Variants in STRN observed in about 807,000 individuals in gnomAD.
The protein encoded by STRN is striatin, also known as protein phosphatase 2 regulatory subunit B'''alpha.
In STRN, 53 loss-of-function variants were observed where a neutral mutation model predicts 96.3. That is an observed-to-expected ratio of 0.55 (90% CI 0.44 to 0.69). STRN has a LOEUF of 0.69. STRN is among the 30% of genes least tolerant of loss of function. The pLI is 0.00. For synonymous variants in STRN, 428 were observed against 355.9 expected (o/e 1.20, Z -2.28); for missense variants, 987 against 963.9 (o/e 1.02, Z -0.32).
At chr2:36,855,565 C>G (rs1056681774) in intron 14 of STRN, among the ~76,000 whole-genome samples, 2 of 152,156 alleles carry the variant, frequency 1.3e-5, no homozygotes, top group African/African-American at 4.8e-5. Context: ...CTTAGCAGAT[C>G]TTCTACCTGT....
chr2:36,905,031 G>A (rs187502073), intron 4 of STRN, among the ~76,000 whole-genome samples: 2,467 of 149,716 alleles, frequency 0.016, 72 homozygotes, highest in African/African-American at 0.058. Flanking sequence ...GTGCAATGGC[G>A]CGATCTCGGC....
intron 5 of STRN, among the ~76,000 whole-genome samples, chr2:36,900,910 A>AAATG (rs1317183411): frequency 6.6e-6 from 1 of 151,898 alleles, no homozygotes; most frequent in East Asian, 1.9e-4. Flanking sequence ...ATAAATAAAT[A>AAATG]AATAAATAAA....
intron 11 of STRN, among the ~76,000 whole-genome samples, chr2:36,868,915 T>C (rs1668696195): frequency 6.7e-6 from 1 of 149,520 alleles, no homozygotes; most frequent in Non-Finnish European, 1.5e-5. Context: ...GGAGTGGAGC[T>C]CCGATAAGGA....
chr2:36,852,238 CTTT>C (rs1668239055), intron 15 of STRN, among the ~76,000 whole-genome samples: 1 of 152,092 alleles, frequency 6.6e-6, no homozygotes, highest in South Asian at 2.1e-4. Context: ...TTCTGTTAAG[CTTT>C]TTTTAAGAGA....
intron 9 of STRN, among the ~76,000 whole-genome samples, chr2:36,881,191 G>T (rs1669060775): frequency 7.7e-6 from 1 of 130,558 alleles, no homozygotes; most frequent in Non-Finnish European, 1.6e-5. Context: ...GCAGTGGTGT[G>T]ATGTCAGCTC....
At chr2:36,853,101 A>G (rs2717507) in intron 15 of STRN, among the ~76,000 whole-genome samples, 130,384 of 151,984 alleles carry the variant, frequency 0.86, 57,607 homozygotes, top group Non-Finnish European at 0.96. Flanking sequence ...AGGTTGCAGT[A>G]AGCTGAGATC....
At chr2:36,878,737 T>A (rs1668987000) in intron 9 of STRN, among the ~76,000 whole-genome samples, 1 of 152,070 alleles carries the variant, frequency 6.6e-6, no homozygotes, top group Admixed American at 6.6e-5. Context: ...AATTTTTTTT[T>A]ATTTTTTATT....
At chr2:36,921,493 C>G (rs551137498) in intron 2 of STRN, among the ~76,000 whole-genome samples, 21 of 152,324 alleles carry the variant, frequency 1.4e-4, no homozygotes, top group African/African-American at 5.1e-4. Flanking sequence ...GCATATATTT[C>G]TCATCATGCG....
rs1406586873 is a variant in STRN at position 36,840,716 on chromosome 2, T to C, written c.*8740A>G. The C allele has an allele frequency of 1.3e-5, 2 of 152,240 alleles. No homozygotes were observed. Among genetic ancestry groups the C allele is most frequent in the Admixed American group, 6.5e-5 (1 of 15,284 alleles). The allele number at this position is 152,240 out of a possible 1,614,324, so 9.4% of individuals were successfully genotyped here. Reference sequence around the variant, plus strand: ...TGGTCTGTGCCTTAGGGAGCTTATATAGACAAAAGCAAACAAATAATCATT... The same window carrying C: ...TGGTCTGTGCCTTAGGGAGCTTATACAGACAAAAGCAAACAAATAATCATT... On this transcript the variant is annotated 3_prime_UTR_variant, in exon 18 of 18. Transcript: ENST00000263918.
At chr2:36,901,203 T>G (rs1669673022) in intron 5 of STRN, among the ~76,000 whole-genome samples, 1 of 152,178 alleles carries the variant, frequency 6.6e-6, no homozygotes, top group Non-Finnish European at 1.5e-5. Context: ...AAGAGTGGTC[T>G]TCCCTCAAAG....
intron 1 of STRN, among the ~76,000 whole-genome samples, chr2:36,939,946 T>C (rs970897414): frequency 6.6e-6 from 1 of 152,230 alleles, no homozygotes; most frequent in African/African-American, 2.4e-5. Flanking sequence ...CAATATACTG[T>C]AGTAAAATCT....
intron 12 of STRN, among the ~76,000 whole-genome samples, chr2:36,863,786 G>A (rs1248139513): frequency 6.6e-6 from 1 of 152,188 alleles, no homozygotes; most frequent in Non-Finnish European, 1.5e-5. Context: ...TTCTATCCAT[G>A]AGCATGGAAT....
In STRN at chr2:36,848,510, A is replaced by G. The variant is rs1668137524; in HGVS notation, c.*946T>C. On this transcript the variant is annotated 3_prime_UTR_variant, in exon 18 of 18. Transcript: ENST00000263918. ...ATGATTAGGTGGGTGTTGATAAATGATTATTAGCAAATAAATTCTATCTTT... is the reference window on the plus strand; with the variant it reads ...ATGATTAGGTGGGTGTTGATAAATGGTTATTAGCAAATAAATTCTATCTTT... 1 of 152,222 alleles carries G rather than the reference A, an allele frequency of 6.6e-6. No homozygotes were observed. The allele number at this position is 152,222 out of a possible 1,614,324, so 9.4% of individuals were successfully genotyped here.
intron 6 of STRN, 26 bp downstream of exon 6, chr2:36,899,497 T>C: frequency 6.3e-7 from 1 of 1,593,762 alleles, no homozygotes; most frequent in Non-Finnish European, 8.5e-7. Flanking sequence ...TAAAAATATT[T>C]ATATTGTATG....
At chr2:36,865,089 A>G (rs1016691235) in intron 12 of STRN, among the ~76,000 whole-genome samples, 2 of 152,212 alleles carry the variant, frequency 1.3e-5, no homozygotes, top group Non-Finnish European at 2.9e-5. Context: ...GTAGAATTCA[A>G]TTGTGAATCC....
At chr2:36,911,577 A>C (rs968274080) in intron 3 of STRN, among the ~76,000 whole-genome samples, 4 of 152,170 alleles carry the variant, frequency 2.6e-5, no homozygotes, top group African/African-American at 7.2e-5. Context: ...CAAAATATTT[A>C]CTATCCGGCC....
chr2:36,855,589 T>A (rs896732538), intron 14 of STRN, among the ~76,000 whole-genome samples: 1 of 152,202 alleles, frequency 6.6e-6, no homozygotes, highest in African/African-American at 2.4e-5. Flanking sequence ...TCAACTGATA[T>A]ATTCATGGAA....
chr2:36,861,229 C>T lies in STRN; in HGVS notation c.1572G>A (p.Met524Ile), dbSNP rs1188619445. The T allele has an allele frequency of 1.2e-6, 2 of 1,613,816 alleles. No individual in the cohort carries two copies. Among genetic ancestry groups the T allele is most frequent in the Admixed American group, 1.7e-5 (1 of 59,992 alleles). Reference sequence around the variant, plus strand: ...TGTAACACTGCTCACCATTGCTGCTCATTACCACACAAAGCACTGGACCTC... The same window carrying T: ...TGTAACACTGCTCACCATTGCTGCTTATTACCACACAAAGCACTGGACCTC... ...AHKGPVLCVV[M>I]SSNGEQCYSG... Residue 524 changes from methionine (M) to isoleucine (I), a missense_variant, in exon 13 of 18, where the codon ATG becomes ATA. By Grantham distance (10) the Met-to-Ile change is conservative. Coordinates refer to ENST00000263918, the MANE Select transcript of STRN (RefSeq NM_003162.4).
At chr2:36,855,790 TAG>T (rs1668330241) in intron 14 of STRN, among the ~76,000 whole-genome samples, 1 of 152,168 alleles carries the variant, frequency 6.6e-6, no homozygotes, top group Non-Finnish European at 1.5e-5. Context: ...TATTTATCGT[TAG>T]AGTCATGCAA....
Sources: gnomAD v4.1 joint callset for allele counts (sites outside exome capture counted in the v4.1 genomes callset) on GRCh38, gnomAD v4.1.1 for gene constraint, MANE v1.5 for transcripts, NCBI Gene and HGNC (gene_info 2026-07-23, HGNC 2026-07-21) for gene names.